KDM6A: variants seen among roughly 807,000 people sequenced by gnomAD.
The protein encoded by KDM6A is lysine-specific demethylase 6A.
A neutral mutation model predicts 117.6 loss-of-function variants in KDM6A; 11 were observed. That is an observed-to-expected ratio of 0.09 (90% CI 0.06 to 0.15). The LOEUF is 0.15. KDM6A is among the 10% of genes least tolerant of loss of function. KDM6A has a pLI of 1.00. For missense variants in KDM6A, 799 were observed against 1,077.3 expected (o/e 0.74, Z 3.62); for synonymous variants, 384 against 396.1 (o/e 0.97, Z 0.36).
chrX:45,019,201 T>C (rs1244002754), intron 5 of KDM6A, among the ~76,000 whole-genome samples: 1 of 111,015 alleles, frequency 9.0e-6, no homozygotes, highest in Non-Finnish European at 1.9e-5. Context: ...TTACCACAGT[T>C]TTTGCCTGTC....
chrX:45,026,910 A>G (rs1235868862), intron 6 of KDM6A, among the ~76,000 whole-genome samples: 3 of 111,315 alleles, frequency 2.7e-5, no homozygotes, highest in Non-Finnish European at 3.8e-5. Flanking sequence ...TAGCTATTAA[A>G]TTAATTTTAT....
At chrX:45,058,874 C>G (rs922328208) in intron 10 of KDM6A, 132 bp from the exon 11 acceptor site, 2 of 530,069 alleles carry the variant, frequency 3.8e-6, no homozygotes, top group Non-Finnish European at 6.6e-6. Context: ...CATACATACA[C>G]ATAAATATAT....
At chrX:45,108,476 A>T in intron 28 of KDM6A, among the ~76,000 whole-genome samples, 1 of 111,695 alleles carries the variant, frequency 9.0e-6, no homozygotes, top group Admixed American at 9.5e-5. Context: ...AGTGGTTGGA[A>T]AGGACAGCGA....
intron 4 of KDM6A, among the ~76,000 whole-genome samples, chrX:44,980,832 A>T (rs1303497383): frequency 9.2e-6 from 1 of 108,174 alleles, no homozygotes; most frequent in Non-Finnish European, 1.9e-5. Context: ...CTCCCATACA[A>T]TGTTGAATGG....
At chrX:44,953,062 C>T (rs1038708323) in intron 2 of KDM6A, among the ~76,000 whole-genome samples, 1 of 110,581 alleles carries the variant, frequency 9.0e-6, no homozygotes, top group Non-Finnish European at 1.9e-5. Context: ...GCCATTGCAC[C>T]GAACTTTGTT....
chrX:44,987,833 C>G (rs2040324004), intron 4 of KDM6A, among the ~76,000 whole-genome samples: 1 of 111,154 alleles, frequency 9.0e-6, no homozygotes, highest in African/African-American at 3.3e-5. Flanking sequence ...CTCTGGCTGC[C>G]CTTAACATTT....
chrX:45,006,862 TG>T (rs1362964179), intron 4 of KDM6A, among the ~76,000 whole-genome samples: 10 of 103,690 alleles, frequency 9.6e-5, no homozygotes, highest in Non-Finnish European at 2.0e-4. Context: ...ACCCCGGAGG[TG>T]GAGGTTACAG....
chrX:45,068,577 A>G (rs1373288895), intron 17 of KDM6A, among the ~76,000 whole-genome samples: 1 of 106,484 alleles, frequency 9.4e-6, no homozygotes, highest in Non-Finnish European at 1.9e-5. Context: ...AAAAAAAAAA[A>G]AAGAGAGACA....
intron 25 of KDM6A, among the ~76,000 whole-genome samples, chrX:45,089,525 CAA>C (rs766771357): frequency 4.1e-4 from 21 of 51,023 alleles, no homozygotes; most frequent in African/African-American, 3.0e-4. Flanking sequence ...GACTTTGTCT[CAA>C]AAAAAAAAAA....
intron 8 of KDM6A, among the ~76,000 whole-genome samples, chrX:45,040,879 C>CA (rs1366407170): frequency 2.4e-5 from 2 of 82,160 alleles, no homozygotes; most frequent in Non-Finnish European, 2.4e-5. Flanking sequence ...GGCTGACCCC[C>CA]CCACCTCCCT....
intron 2 of KDM6A, among the ~76,000 whole-genome samples, chrX:44,895,168 C>T (rs895235305): frequency 5.6e-5 from 6 of 107,596 alleles, no homozygotes; most frequent in African/African-American, 1.7e-4. Context: ...TGCAGTGGCA[C>T]GATCTCGGCT....
intron 3 of KDM6A, among the ~76,000 whole-genome samples, chrX:44,972,684 A>G (rs1221017608): frequency 9.0e-6 from 1 of 111,508 alleles, no homozygotes; most frequent in Non-Finnish European, 1.9e-5. Context: ...GACATGACCA[A>G]TATGAACCAG....
At chrX:44,952,889 A>G in intron 2 of KDM6A, among the ~76,000 whole-genome samples, 1 of 108,684 alleles carries the variant, frequency 9.2e-6, no homozygotes, top group Non-Finnish European at 1.9e-5. Context: ...TGATCCTACC[A>G]CCTCTCAGCC....
At chrX:44,891,002 T>TC (rs1348658883) in intron 2 of KDM6A, among the ~76,000 whole-genome samples, 1 of 110,861 alleles carries the variant, frequency 9.0e-6, no homozygotes, top group East Asian at 2.8e-4. Context: ...AAATGTCTGT[T>TC]CGTGTCTTTT....
At chrX:45,061,295 A>T (rs2147974141) in intron 14 of KDM6A, 29 bp from the exon 15 acceptor site, 1 of 922,862 alleles carries the variant, frequency 1.1e-6, no homozygotes, top group Non-Finnish European at 1.6e-6. Flanking sequence ...AATATTCTTT[A>T]ATTTTTTTTT....
chrX:45,003,089 C>G (rs963467658), intron 4 of KDM6A, among the ~76,000 whole-genome samples: 6 of 111,069 alleles, frequency 5.4e-5, no homozygotes, highest in African/African-American at 2.0e-4. Context: ...TAGATGGTTC[C>G]TTCCTGGTTC....
intron 27 of KDM6A, among the ~76,000 whole-genome samples, chrX:45,101,050 G>A (rs2046323431): frequency 9.1e-6 from 1 of 110,471 alleles, no homozygotes; most frequent in South Asian, 3.8e-4. Flanking sequence ...TGCTTTCTCT[G>A]TGCCTTTTGT....
At chrX:44,936,872 G>A (rs2147001515) in intron 2 of KDM6A, among the ~76,000 whole-genome samples, 2 of 111,895 alleles carry the variant, frequency 1.8e-5, no homozygotes, top group East Asian at 5.6e-4. Flanking sequence ...TTTGGACTTA[G>A]CAGCATTTTG....
chrX:45,096,461 A>G (rs1603016281), intron 27 of KDM6A, among the ~76,000 whole-genome samples: 1 of 111,862 alleles, frequency 8.9e-6, no homozygotes, highest in East Asian at 2.8e-4. Context: ...AAACCATTAA[A>G]ACATGTGATC....
Sources: gnomAD v4.1 joint callset for allele counts (sites outside exome capture counted in the v4.1 genomes callset) on GRCh38, gnomAD v4.1.1 for gene constraint, MANE v1.5 for transcripts, NCBI Gene and HGNC (gene_info 2026-07-23, HGNC 2026-07-21) for gene names.